Variants in MARCHF1 observed in about 807,000 individuals in gnomAD.
The protein encoded by MARCHF1 is E3 ubiquitin-protein ligase MARCHF1.
A neutral mutation model predicts 54.2 loss-of-function variants in MARCHF1; 40 were observed. The observed-to-expected ratio is 0.74, with a 90% CI of 0.57 to 0.96. The LOEUF is 0.96. Among genes scored for constraint, MARCHF1 ranks in the 40% least tolerant of loss-of-function variants. MARCHF1 has a pLI of 0.00. For synonymous variants in MARCHF1, 236 were observed against 236.3 expected (o/e 1.00, Z 0.01); for missense variants, 586 against 656.5 (o/e 0.89, Z 1.17).
chr4:164,013,740 G>GA (rs112550472), intron 2 of MARCHF1, among the ~76,000 whole-genome samples: 7 of 148,184 alleles, frequency 4.7e-5, no homozygotes, highest in African/African-American at 7.3e-5. Flanking sequence ...AGTGCTGATG[G>GA]AAAAAAAAAT....
intron 4 of MARCHF1, among the ~76,000 whole-genome samples, chr4:163,749,788 G>A (rs1746464994): frequency 6.6e-6 from 1 of 152,104 alleles, no homozygotes; most frequent in South Asian, 2.1e-4. Flanking sequence ...ATTAGGCCAG[G>A]TGTGGTGACT....
At chr4:163,650,617 T>G (rs1026211357) in intron 5 of MARCHF1, among the ~76,000 whole-genome samples, 1 of 152,012 alleles carries the variant, frequency 6.6e-6, no homozygotes, top group South Asian at 2.1e-4. Context: ...GAAAATTAAA[T>G]TCCACAGAAA....
At chr4:163,724,612 G>A (rs1487971035) in intron 4 of MARCHF1, among the ~76,000 whole-genome samples, 1 of 152,202 alleles carries the variant, frequency 6.6e-6, no homozygotes, top group African/African-American at 2.4e-5. Context: ...TAGAGGTGGA[G>A]TCTACAAAGG....
At chr4:164,299,750 CTG>C (rs1232497274) in intron 1 of MARCHF1, among the ~76,000 whole-genome samples, 5 of 152,140 alleles carry the variant, frequency 3.3e-5, no homozygotes, top group South Asian at 2.1e-4. Context: ...GGCTCTGACT[CTG>C]TGCAATGCTA....
chr4:164,137,353 A>T (rs1022345497), intron 1 of MARCHF1, among the ~76,000 whole-genome samples: 1 of 152,216 alleles, frequency 6.6e-6, no homozygotes, highest in African/African-American at 2.4e-5. Context: ...TAATCTTAGT[A>T]AAATAATTAT....
chr4:163,573,424 C>G (rs1394627530), intron 8 of MARCHF1, among the ~76,000 whole-genome samples: 1 of 151,002 alleles, frequency 6.6e-6, no homozygotes, highest in African/African-American at 2.4e-5. Context: ...AACTCGTCAT[C>G]TAGCATTAGG....
At position 164,006,241 on chromosome 4, in the gene MARCHF1, T is replaced by G. The variant is rs372458119; in HGVS notation, c.-247-17532A>C. 2.0e-4 allele frequency among the ~76,000 whole-genome samples: 30 copies of G among 152,216 alleles called. No individual in the cohort carries two copies. In the Middle Eastern group the frequency reaches 0.01, roughly 52 times the overall value. Reference sequence around the variant, plus strand: ...TAACACAGTAAAGCAATTCAGAAATTTTTCAGAGAAATTTGACAAAAATTG... The same window carrying G: ...TAACACAGTAAAGCAATTCAGAAATGTTTCAGAGAAATTTGACAAAAATTG... On this transcript the variant is annotated intron_variant, in intron 2 of 9. Coordinates refer to ENST00000514618, the MANE Select transcript of MARCHF1 (RefSeq NM_001394959.1).
chr4:163,933,512 T>C (rs1045324979), intron 3 of MARCHF1, among the ~76,000 whole-genome samples: 1 of 152,196 alleles, frequency 6.6e-6, no homozygotes, highest in Non-Finnish European at 1.5e-5. Context: ...AACACTTAGG[T>C]AGAGGACTAA....
In MARCHF1 at chr4:163,911,252, G is replaced by A. The variant is rs1751183135; in HGVS notation, c.-38-57083C>T. ...ATGGGGTGATTGAGTAATTTGATTG[G>A]TGGGTTTGGAAGAAGAAACTGCACA... On this transcript the variant is annotated intron_variant, in intron 3 of 9. Transcript: ENST00000514618. Among the ~76,000 whole-genome samples, 6 of 152,096 alleles carry A rather than the reference G, an allele frequency of 3.9e-5. 1 individual carries two copies. In the South Asian group the frequency reaches 1.2e-3, roughly 32 times the overall value.
chr4:163,897,985 C>T (rs539709963), intron 3 of MARCHF1, among the ~76,000 whole-genome samples: 8 of 137,832 alleles, frequency 5.8e-5, no homozygotes, highest in South Asian at 4.7e-4. Context: ...GGCACGAACC[C>T]GGGAGGCGGA....
chr4:163,967,118 G>A lies in MARCHF1; in HGVS notation c.-39+21383C>T, dbSNP rs950287563. ...ACAAGGACCCTAGAGAGACTTGAAA[G>A]AAGAAATGTCTTTTGGAATCAGATC... On this transcript the variant is annotated intron_variant, in intron 3 of 9. Transcript: ENST00000514618. Among the ~76,000 whole-genome samples, 13 of 152,184 alleles carry A rather than the reference G, an allele frequency of 8.5e-5. No homozygotes were observed. The South Asian group carries it at 1.2e-3, about 15-fold the overall frequency.
At chr4:163,636,029 T>C (rs544342457) in intron 5 of MARCHF1, among the ~76,000 whole-genome samples, 12 of 152,212 alleles carry the variant, frequency 7.9e-5, no homozygotes, top group African/African-American at 2.9e-4. Flanking sequence ...AAAAGGCCTT[T>C]GACAAAATTC....
chr4:163,782,589 G>T (rs930153134), intron 4 of MARCHF1, among the ~76,000 whole-genome samples: 1 of 145,664 alleles, frequency 6.9e-6, no homozygotes, highest in South Asian at 2.2e-4. Flanking sequence ...AGAATCACTT[G>T]AACTGGGAGG....
At chr4:163,735,665 T>C (rs1001209612) in intron 4 of MARCHF1, among the ~76,000 whole-genome samples, 1 of 152,196 alleles carries the variant, frequency 6.6e-6, no homozygotes, top group African/African-American at 2.4e-5. Flanking sequence ...TCACCTCTTA[T>C]AGACCGCACC....
intron 5 of MARCHF1, among the ~76,000 whole-genome samples, chr4:163,625,157 A>G (rs548254481): frequency 1.1e-3 from 171 of 152,274 alleles, no homozygotes; most frequent in Non-Finnish European, 1.8e-3. Context: ...CCTTTACTCT[A>G]TAGACAAAAC....
intron 1 of MARCHF1, among the ~76,000 whole-genome samples, chr4:164,206,197 G>A (rs1731600690): frequency 6.6e-6 from 1 of 152,172 alleles, no homozygotes; most frequent in African/African-American, 2.4e-5. Context: ...AGCACTTTGG[G>A]AGGCTCAGGC....
intron 3 of MARCHF1, among the ~76,000 whole-genome samples, chr4:163,904,646 T>A (rs1751016358): frequency 6.6e-6 from 1 of 152,188 alleles, no homozygotes; most frequent in South Asian, 2.1e-4. Flanking sequence ...GTAGCAAGCC[T>A]CTATTCTATA....
intron 4 of MARCHF1, among the ~76,000 whole-genome samples, chr4:163,775,433 C>G (rs974705783): frequency 2.0e-5 from 3 of 152,100 alleles, no homozygotes; most frequent in African/African-American, 7.2e-5. Flanking sequence ...GTCCCCTATG[C>G]TTAGAACAAA....
chr4:164,041,695 C>A (rs138021378), intron 2 of MARCHF1, among the ~76,000 whole-genome samples: 101 of 152,192 alleles, frequency 6.6e-4, no homozygotes, highest in African/African-American at 2.4e-3. Context: ...ATTATAAATG[C>A]TAACTGTTGT....
Sources: allele counts gnomAD v4.1 joint callset (sites outside exome capture counted in the v4.1 genomes callset), GRCh38; gene constraint gnomAD v4.1.1; transcripts MANE v1.5; gene names NCBI Gene and HGNC (gene_info 2026-07-23, HGNC 2026-07-21).